CEP350: variants seen among roughly 807,000 people sequenced by gnomAD.
The protein encoded by CEP350 is centrosomal protein 350, also known as centrosome-associated protein 350.
Under a neutral mutation model 331.8 loss-of-function variants are expected in CEP350, and 126 were observed. The ratio of observed to expected loss-of-function variants is 0.38; its 90% CI spans 0.33 to 0.44. CEP350 has a LOEUF of 0.44. Among genes scored for constraint, CEP350 ranks in the 20% least tolerant of loss-of-function variants. CEP350 has a pLI of 1.00. For missense variants in CEP350, 3,406 were observed against 3,634.6 expected (o/e 0.94, Z 1.62); for synonymous variants, 1,200 against 1,259.5 (o/e 0.95, Z 1.00).
At position 179,961,594 on chromosome 1, in the gene CEP350, A is replaced by C. The variant is rs1650629330; in HGVS notation, c.-14+6452A>C. On this transcript the variant is annotated intron_variant, in intron 1 of 37. Coordinates refer to ENST00000367607, the MANE Select transcript of CEP350 (RefSeq NM_014810.5). ...TTTAATCTACTAACGGGTCATGACT[A>C]CACACTTGATAATATGATGCTGGTT... Among the ~76,000 whole-genome samples, 3 of 152,294 alleles carry C rather than the reference A, an allele frequency of 2.0e-5. No individual in the cohort carries two copies. The South Asian group carries it at 6.2e-4, about 32-fold the overall frequency.
chr1:180,111,159 T>C lies in CEP350; in HGVS notation c.9352T>C (p.Ter3118ArgextTer11), dbSNP rs1558167954. ...SEKQGRMLLV[*>R] ...AAAGCAGGGGAGAATGCTACTTGTG[T>C]GACATCTTGCAAATAAATCGAACGC... is the stretch of plus-strand genomic sequence containing the variant. Residue 3118 changes from the stop codon to arginine (R), a stop_lost, in exon 38 of 38, where the codon TGA becomes CGA. Transcript: ENST00000367607. The C allele has an allele frequency of 6.2e-7, 1 of 1,613,548 alleles. No individual in the cohort carries two copies. The highest frequency in any genetic ancestry group is 8.5e-7 in the Non-Finnish European group (1 of 1,179,512).
intron 6 of CEP350, among the ~76,000 whole-genome samples, chr1:180,002,224 A>T (rs1330441394): frequency 6.6e-6 from 1 of 152,250 alleles, no homozygotes; most frequent in Non-Finnish European, 1.5e-5. Context: ...CTGTAATCCC[A>T]GCATTTTGGG....
chr1:179,965,512 T>C (rs1650935580), intron 1 of CEP350, among the ~76,000 whole-genome samples: 1 of 152,120 alleles, frequency 6.6e-6, no homozygotes, highest in South Asian at 2.1e-4. Context: ...GGAAATCTCC[T>C]TTATAGATGT....
At chr1:179,969,778 AC>A (rs1399319992) in intron 1 of CEP350, among the ~76,000 whole-genome samples, 4 of 151,942 alleles carry the variant, frequency 2.6e-5, no homozygotes, top group Non-Finnish European at 2.9e-5. Flanking sequence ...CAACAATGAG[AC>A]CCTGTCTTCT....
At chr1:179,985,058 TA>T (rs1471328954) in intron 1 of CEP350, among the ~76,000 whole-genome samples, 1 of 152,210 alleles carries the variant, frequency 6.6e-6, no homozygotes, top group Non-Finnish European at 1.5e-5. Flanking sequence ...TCAGTGGTGT[TA>T]AGTACATTCA....
rs1337332195 is a variant in CEP350, at chr1:179,962,615, G to C, written c.-14+7473G>C. Among the ~76,000 whole-genome samples, 4 of 151,996 alleles carry C rather than the reference G, an allele frequency of 2.6e-5. No homozygotes were observed. The South Asian group carries it at 8.3e-4, about 32-fold the overall frequency. On this transcript the variant is annotated intron_variant, in intron 1 of 37. Coordinates refer to ENST00000367607, the MANE Select transcript of CEP350 (RefSeq NM_014810.5). ...AGTAGAGATGGAGTTTCACTATGTT[G>C]GTCAGGCTGGTCTCAAACTCCTGAC...
At chr1:179,965,632 T>TC (rs995787983) in intron 1 of CEP350, among the ~76,000 whole-genome samples, 3 of 145,416 alleles carry the variant, frequency 2.1e-5, no homozygotes, top group African/African-American at 5.1e-5. Context: ...TTTTTTTTTT[T>TC]TTTTTGAGAT....
intron 1 of CEP350, among the ~76,000 whole-genome samples, chr1:179,971,097 C>T (rs200163519): frequency 4.7e-5 from 7 of 148,902 alleles, no homozygotes; most frequent in East Asian, 2.0e-4. Flanking sequence ...AGTGCAATCT[C>T]GGCTCATTGC....
chr1:180,100,508 T>C (rs1660743450), intron 37 of CEP350, among the ~76,000 whole-genome samples: 1 of 152,244 alleles, frequency 6.6e-6, no homozygotes, highest in Admixed American at 6.5e-5. Flanking sequence ...CCTCTGTATA[T>C]ACATTGAGTC....
intron 22 of CEP350, chr1:180,052,287 C>G: frequency 2.2e-6 from 1 of 449,996 alleles, no homozygotes; most frequent in South Asian, 1.6e-5. Flanking sequence ...GATCCTCCCA[C>G]CTTGGCATCC....
chr1:179,968,584 A>C, intron 1 of CEP350: 1 of 328,002 alleles, frequency 3.0e-6, no homozygotes, highest in Non-Finnish European at 6.0e-6. Context: ...GACTTTTGAA[A>C]ATTATCTTGC....
chr1:180,034,140 A>C, intron 16 of CEP350, 58 bp downstream of exon 16: 1 of 1,527,002 alleles, frequency 6.5e-7, no homozygotes, highest in Non-Finnish European at 8.9e-7. Context: ...TTTTTCTCTC[A>C]ACATTCCTTT....
At chr1:180,056,033 T>G (rs1558130821) in intron 25 of CEP350, among the ~76,000 whole-genome samples, 1 of 152,180 alleles carries the variant, frequency 6.6e-6, no homozygotes, top group Non-Finnish European at 1.5e-5. Context: ...GGGTTTCTTT[T>G]CACTTTCTTG....
In CEP350 at chr1:180,094,260, C is replaced by T. The variant is rs1660357262; in HGVS notation, c.8155C>T (p.Leu2719Phe). ...AEASEKLCTP[L>F]LDLLTREKNQ... ...AGCTTCAGAAAAGCTTTGTACACCA[C>T]TTCTGGATCTTTTAACAAGAGAAAA... Residue 2719 changes from leucine to phenylalanine, a missense_variant, in exon 34 of 38, where the codon CTT becomes TTT. Physicochemically the swap from Leu to Phe is conservative, Grantham distance 22. Transcript: ENST00000367607. 3.7e-6 allele frequency: 6 copies of T among 1,613,398 alleles called. No homozygotes were observed. Among genetic ancestry groups the T allele is most frequent in the African/African-American group, 1.3e-5 (1 of 74,898 alleles).
intron 16 of CEP350, among the ~76,000 whole-genome samples, chr1:180,034,431 T>C (rs1656215425): frequency 6.6e-6 from 1 of 151,948 alleles, no homozygotes; most frequent in Admixed American, 6.5e-5. Flanking sequence ...TTTATTGTGC[T>C]TGGCTTTATT....
chr1:180,098,481 C>T (rs1282647361), intron 36 of CEP350, among the ~76,000 whole-genome samples: 1 of 152,022 alleles, frequency 6.6e-6, no homozygotes, highest in African/African-American at 2.4e-5. Flanking sequence ...GCCAGAACTA[C>T]AGTCATGTAC....
rs763242852 is a variant in CEP350 at position 179,997,163 on chromosome 1, CCAG to C, written c.1009_1011del (p.Ala337del). 1 of 1,612,824 alleles carries C rather than the reference CCAG, an allele frequency of 6.2e-7. No homozygotes were observed. The highest frequency in any genetic ancestry group is 2.2e-5 in the East Asian group (1 of 44,868). On this transcript the variant is annotated inframe_deletion, in exon 6 of 38. Transcript: ENST00000367607. ...AAAAGTGGCAACAGCACCACCTGCT[CCAG>C]CATATAAAGGTTTGTAATCAGTCTT...
At chr1:180,081,156 C>T (rs139916978) in intron 30 of CEP350, among the ~76,000 whole-genome samples, 2 of 152,326 alleles carry the variant, frequency 1.3e-5, no homozygotes, top group African/African-American at 4.8e-5. Flanking sequence ...GCGTGAGCCA[C>T]TGCACCCGGC....
intron 27 of CEP350, among the ~76,000 whole-genome samples, chr1:180,072,081 A>C (rs1658928734): frequency 6.6e-6 from 1 of 152,200 alleles, no homozygotes; most frequent in Non-Finnish European, 1.5e-5. Flanking sequence ...ACGTTTAAAG[A>C]GCACTCCTAT....
Sources: gnomAD v4.1 joint callset for allele counts (sites outside exome capture counted in the v4.1 genomes callset) on GRCh38, gnomAD v4.1.1 for gene constraint, MANE v1.5 for transcripts, NCBI Gene and HGNC (gene_info 2026-07-23, HGNC 2026-07-21) for gene names.